The following UGT1A6 variants were observed in gnomAD, a reference collection of about 807,000 sequenced individuals.
The protein encoded by UGT1A6 is UDP glucuronosyltransferase family 1 member A6.
Under a neutral mutation model 44.4 loss-of-function variants are expected in UGT1A6, and 32 were observed. The ratio of observed to expected loss-of-function variants is 0.72; its 90% CI spans 0.54 to 0.97. UGT1A6 has a LOEUF of 0.97. Ranked by LOEUF, UGT1A6 falls within the 50% of genes least tolerant of loss-of-function variation. UGT1A6 has a pLI of 0.00. For synonymous variants in UGT1A6, 238 were observed against 248.5 expected (o/e 0.96, Z 0.40); for missense variants, 685 against 661.9 (o/e 1.03, Z -0.38).
chr2:233,767,823 C>T (rs763238770), intron 2 of UGT1A6, 26 bp from the exon 3 acceptor site: 36 of 1,614,026 alleles, frequency 2.2e-5, no homozygotes, highest in Non-Finnish European at 2.7e-5. Context: ...TCTTTCTTTA[C>T]GTTCTGCTCT....
intron 1 of UGT1A6, chr2:233,741,713 C>T (rs1022518574): frequency 6.6e-6 from 1 of 151,840 alleles, no homozygotes; most frequent in South Asian, 2.1e-4. Flanking sequence ...TCTGAGGGTT[C>T]TAGAGCATAT....
intron 1 of UGT1A6, chr2:233,760,991 C>T (rs1247729976): frequency 1.2e-6 from 2 of 1,614,072 alleles, no homozygotes; most frequent in Non-Finnish European, 1.7e-6. Flanking sequence ...ACCCTTGCCT[C>T]AGAATTCCTT....
At chr2:233,751,205 G>C (rs1471569540) in intron 1 of UGT1A6, among the ~76,000 whole-genome samples, 1 of 151,980 alleles carries the variant, frequency 6.6e-6, no homozygotes, top group East Asian at 1.9e-4. Context: ...TAATTTTGGA[G>C]CTTTAAGATT....
intron 1 of UGT1A6, among the ~76,000 whole-genome samples, chr2:233,727,577 G>T (rs1286576165): frequency 6.6e-6 from 1 of 152,206 alleles, no homozygotes; most frequent in Admixed American, 6.5e-5. Flanking sequence ...TGCTTAGGAA[G>T]CATATAGTTT....
intron 1 of UGT1A6, among the ~76,000 whole-genome samples, chr2:233,701,608 A>G (rs2075638056): frequency 6.6e-6 from 1 of 152,234 alleles, no homozygotes; most frequent in African/African-American, 2.4e-5. Context: ...AGCACTCCTC[A>G]GCAAACGTAA....
chr2:233,757,560 A>ATATATATATATATATATG (rs904896556), intron 1 of UGT1A6, among the ~76,000 whole-genome samples: 7 of 123,144 alleles, frequency 5.7e-5, no homozygotes, highest in African/African-American at 1.7e-4. Context: ...ATATATATAT[A>ATATATATATATATATATG]TGTATATATG....
chr2:233,701,815 T>C (rs569445521), intron 1 of UGT1A6, among the ~76,000 whole-genome samples: 1 of 152,210 alleles, frequency 6.6e-6, no homozygotes, highest in South Asian at 2.1e-4. Flanking sequence ...AGACACAACA[T>C]ACCAGAATCT....
intron 1 of UGT1A6, among the ~76,000 whole-genome samples, chr2:233,723,536 TA>T (rs756280025): frequency 2.5e-5 from 3 of 121,442 alleles, no homozygotes; most frequent in African/African-American, 3.3e-5. Flanking sequence ...TTTTTTTTTT[TA>T]ATTTATTTTT....
intron 1 of UGT1A6, chr2:233,729,916 G>A (rs2077948862): frequency 6.2e-7 from 1 of 1,614,016 alleles, no homozygotes; most frequent in African/African-American, 1.3e-5. Flanking sequence ...CTTTGTGATG[G>A]ACTACCCCAG....
rs1409384005 is a variant in UGT1A6 at position 233,735,868 on chromosome 2, C to T, written c.862-31166C>T. ...TCTCTTCTGTCTTGTAGGGTTTCTG[C>T]AGAGAGATCTGCTGTTAGTCTGATG... On this transcript the variant is annotated intron_variant, in intron 1 of 4. Transcript: ENST00000305139. Among the ~76,000 whole-genome samples, 5 of 152,262 alleles carry T rather than the reference C, an allele frequency of 3.3e-5. No homozygotes were observed. The East Asian group carries it at 7.7e-4, about 23-fold the overall frequency.
rs753125541 is a variant in UGT1A6, at chr2:233,729,452, A to C, written c.861+35587A>C. The C allele has an allele frequency of 1.4e-5, 23 of 1,614,030 alleles. No individual in the cohort carries two copies. The highest frequency in any genetic ancestry group is 1.7e-4 in the Middle Eastern group (1 of 6,060). On this transcript the variant is annotated intron_variant, in intron 1 of 4. Transcript: ENST00000305139. ...TTTGAAACAGAACATTTTCTGAAGA[A>C]ATTTTTCAGAAGTATGGCAATGTTG...
chr2:233,708,950 T>G (rs566854735), intron 1 of UGT1A6, among the ~76,000 whole-genome samples: 79 of 152,176 alleles, frequency 5.2e-4, no homozygotes, highest in Non-Finnish European at 9.3e-4. Context: ...AGAACCCATT[T>G]ATATGTTTCC....
chr2:233,761,370 T>C (rs1346260530), intron 1 of UGT1A6, among the ~76,000 whole-genome samples: 1 of 152,186 alleles, frequency 6.6e-6, no homozygotes, highest in Non-Finnish European at 1.5e-5. Flanking sequence ...TCCTTGGACA[T>C]TTTACTCTGT....
At chr2:233,725,000 CG>C (rs201780710) in intron 1 of UGT1A6, among the ~76,000 whole-genome samples, 7,734 of 147,282 alleles carry the variant, frequency 0.053, 1,119 homozygotes, top group African/African-American at 0.18. Context: ...GGCTGGAGAC[CG>C]GCCCGGCCAA....
intron 1 of UGT1A6, among the ~76,000 whole-genome samples, chr2:233,696,419 C>T (rs1480641508): frequency 6.6e-6 from 1 of 152,042 alleles, no homozygotes; most frequent in African/African-American, 2.4e-5. Flanking sequence ...ATTTCCTTTT[C>T]AGTTTTTTCT....
chr2:233,693,993 C>G (rs1321694157), intron 1 of UGT1A6, 128 bp downstream of exon 1: 16 of 1,526,640 alleles, frequency 1.0e-5, no homozygotes, highest in Non-Finnish European at 1.4e-5. Context: ...GAAGTGATAC[C>G]CGGCTCGGAG....
chr2:233,701,753 A>G (rs540599933), intron 1 of UGT1A6, among the ~76,000 whole-genome samples: 7 of 152,372 alleles, frequency 4.6e-5, no homozygotes, highest in Non-Finnish European at 1.0e-4. Context: ...TACTGGGTAC[A>G]TAACGAAATG....
At position 233,751,264 on chromosome 2, in the gene UGT1A6, CT is replaced by C. The variant is rs1248433988; in HGVS notation, c.862-15763del. Among the ~76,000 whole-genome samples the C allele has an allele frequency of 2.6e-5, 4 of 151,986 alleles. No homozygotes were observed. The East Asian group carries it at 7.7e-4, about 29-fold the overall frequency. On this transcript the variant is annotated intron_variant, in intron 1 of 4. Coordinates refer to ENST00000305139, the MANE Select transcript of UGT1A6 (RefSeq NM_001072.4). ...GGACTTGCATGGGGCCTGTAGCCCC[CT>C]TTTTTTGGCCAGTTTCTCCCATTTG...
chr2:233,747,406 T>C (rs111706856), intron 1 of UGT1A6: 83,939 of 1,606,544 alleles, frequency 0.052, 2,713 homozygotes, highest in Non-Finnish European at 0.063. Flanking sequence ...ACCCCAGAGG[T>C]GAATATGCAC....
Sources: allele counts gnomAD v4.1 joint callset (sites outside exome capture counted in the v4.1 genomes callset), GRCh38; gene constraint gnomAD v4.1.1; transcripts MANE v1.5; gene names NCBI Gene and HGNC (gene_info 2026-07-23, HGNC 2026-07-21).